The following ABCC2 variants were observed in gnomAD, a reference collection of about 807,000 sequenced individuals.
The protein encoded by ABCC2 is ATP-binding cassette sub-family C member 2.
In ABCC2, 157 loss-of-function variants were observed where a neutral mutation model predicts 173.4. The ratio of observed to expected loss-of-function variants is 0.91; its 90% CI spans 0.80 to 1.03. ABCC2 has a LOEUF of 1.03. ABCC2 is among the 50% of genes least tolerant of loss of function. The pLI, the probability that ABCC2 is intolerant of heterozygous loss-of-function variation, is 0.00. For synonymous variants in ABCC2, 657 were observed against 693.5 expected, an observed-to-expected ratio of 0.95 and a Z score of 0.83; for missense variants, 1,822 against 1,852.3, an observed-to-expected ratio of 0.98 and a Z score of 0.30.
At chr10:99,830,563 G>T in intron 20 of ABCC2, 130 bp downstream of exon 20, 1 of 1,567,052 alleles carries the variant, frequency 6.4e-7, no homozygotes, top group South Asian at 1.1e-5. Flanking sequence ...TTGTTTCTTT[G>T]TTGTGGGGAT....
At chr10:99,821,055 T>C (rs1279296691) in intron 19 of ABCC2, among the ~76,000 whole-genome samples, 3 of 151,998 alleles carry the variant, frequency 2.0e-5, no homozygotes, top group Admixed American at 2.0e-4. Flanking sequence ...GGGGAGAGGG[T>C]CACAAGACAA....
chr10:99,814,337 G>GTA (rs767067063), intron 16 of ABCC2, among the ~76,000 whole-genome samples: 1 of 133,872 alleles, frequency 7.5e-6, no homozygotes, highest in South Asian at 2.2e-4. Flanking sequence ...ATACACACAT[G>GTA]TATATATACA....
chr10:99,810,296 A>T, intron 14 of ABCC2, 78 bp downstream of exon 14: 1 of 1,088,896 alleles, frequency 9.2e-7, no homozygotes, highest in East Asian at 2.5e-5. Flanking sequence ...AGAGCTTAGT[A>T]GCAGCAAACT....
rs1482521823 is a variant in ABCC2 at position 99,817,446 on chromosome 10, A to C, written c.2233A>C (p.Met745Leu). The change falls in exon 17 of 32, where the codon ATG (methionine) becomes CTG (leucine). Residue 745 changes from methionine to leucine, a missense_variant. Physicochemically the swap from Met to Leu is conservative, Grantham distance 15 (BLOSUM62 2). Transcript: ENST00000647814. ...EACALLPDLEMLPGGDLAEIG... is the reference protein window; with the variant it reads ...EACALLPDLELLPGGDLAEIG... ...CTGTGCTCTCCTCCCAGACTTGGAA[A>C]TGCTGCCTGGAGGAGATTTGGCTGA... 1.9e-6 allele frequency: 3 copies of C among 1,614,186 alleles called. No homozygotes were observed. Among genetic ancestry groups the C allele is most frequent in the Non-Finnish European group, 2.5e-6 (3 of 1,180,030 alleles).
intron 6 of ABCC2, among the ~76,000 whole-genome samples, chr10:99,795,469 C>T (rs570996394): frequency 4.1e-4 from 62 of 151,940 alleles, no homozygotes; most frequent in African/African-American, 1.5e-3. Flanking sequence ...GAGGCTGAGG[C>T]GGGTGGATCA....
At chr10:99,829,826 A>G (rs950641713) in intron 19 of ABCC2, among the ~76,000 whole-genome samples, 1 of 152,148 alleles carries the variant, frequency 6.6e-6, no homozygotes, top group Non-Finnish European at 1.5e-5. Flanking sequence ...GAGTTTGCCT[A>G]TGTTGCCCAA....
At chr10:99,809,474 G>A (rs2038171765) in intron 13 of ABCC2, among the ~76,000 whole-genome samples, 1 of 152,238 alleles carries the variant, frequency 6.6e-6, no homozygotes, top group Admixed American at 6.5e-5. Flanking sequence ...GCCTGCTTCT[G>A]TACCCTAAGG....
chr10:99,799,327 C>G lies in ABCC2; in HGVS notation c.988C>G (p.Leu330Val). The G allele has an allele frequency of 6.2e-7, 1 of 1,614,158 alleles. No homozygotes were observed. The highest frequency in any genetic ancestry group is 8.5e-7 in the Non-Finnish European group (1 of 1,180,022). ...MVLLKSFLLK[L>V]VNDIFTFVSP... ...GCTCCTGAAATCATTCCTACTGAAGCTAGTGAATGACATCTTCACGTTTGT... is the reference window on the plus strand; with the variant it reads ...GCTCCTGAAATCATTCCTACTGAAGGTAGTGAATGACATCTTCACGTTTGT... Residue 330 changes from leucine (L) to valine (V), a missense_variant, in exon 8 of 32, where the codon CTA becomes GTA. Transcript: ENST00000647814.
chr10:99,813,267 T>A lies in ABCC2; in HGVS notation c.2094+123T>A, dbSNP rs1590162727. 7.7e-6 allele frequency: 10 copies of A among 1,297,606 alleles called. No individual in the cohort carries two copies. In the East Asian group the frequency reaches 2.6e-4, roughly 33 times the overall value. The allele number at this position is 1,297,606 out of a possible 1,614,324, so 80.4% of individuals were successfully genotyped here. A position where few individuals can be genotyped will look rare whatever the true frequency, so the allele number is the denominator to read the frequency against. ...GAGGTCTTGGAGACATCCGATAGAT[T>A]TGTGGACTGTGATTCTCCTTCCCAT... is the stretch of plus-strand genomic sequence containing the variant. On this transcript the variant is annotated intron_variant, in intron 16 of 31. Coordinates refer to ENST00000647814, the MANE Select transcript of ABCC2 (RefSeq NM_000392.5).
intron 27 of ABCC2, among the ~76,000 whole-genome samples, 170 bp downstream of exon 27, chr10:99,844,070 G>A (rs578159048): frequency 1.3e-5 from 2 of 152,312 alleles, no homozygotes; most frequent in African/African-American, 4.8e-5. Flanking sequence ...AATAGGAAAT[G>A]GTTTAGGGGA....
intron 7 of ABCC2, among the ~76,000 whole-genome samples, chr10:99,798,344 G>T (rs1313656602): frequency 6.6e-6 from 1 of 152,172 alleles, no homozygotes; most frequent in African/African-American, 2.4e-5. Context: ...GGCAAGATGA[G>T]ACTCAGGAGG....
At chr10:99,831,541 G>T in intron 21 of ABCC2, 70 bp from the exon 22 acceptor site, 1 of 1,468,924 alleles carries the variant, frequency 6.8e-7, no homozygotes, top group Non-Finnish European at 9.5e-7. Context: ...CCTTGTGGTT[G>T]GCATTCTAGG....
At chr10:99,831,421 T>A (rs1194231751) in intron 21 of ABCC2, among the ~76,000 whole-genome samples, 190 bp from the exon 22 acceptor site, 1 of 152,332 alleles carries the variant, frequency 6.6e-6, no homozygotes, top group Middle Eastern at 3.4e-3. Context: ...TTACCCTGCA[T>A]TGTATTTCAG....
intron 1 of ABCC2, among the ~76,000 whole-genome samples, chr10:99,784,088 T>C (rs898949597): frequency 6.7e-6 from 1 of 148,218 alleles, no homozygotes; most frequent in Admixed American, 7.0e-5. Context: ...TGTCCAACAA[T>C]GCTGTTGTCA....
At chr10:99,791,317 A>C (rs779502646) in intron 2 of ABCC2, among the ~76,000 whole-genome samples, 1 of 152,204 alleles carries the variant, frequency 6.6e-6, no homozygotes, top group Non-Finnish European at 1.5e-5. Context: ...CTGAGGCAGG[A>C]GAATCACTTG....
intron 6 of ABCC2, among the ~76,000 whole-genome samples, chr10:99,795,762 A>AGAAG: frequency 1.4e-5 from 2 of 145,248 alleles, no homozygotes; most frequent in Non-Finnish European, 3.0e-5. Flanking sequence ...AAAGAAAGAA[A>AGAAG]GAAAGAAAGA....
chr10:99,788,519 C>T (rs571370438), intron 2 of ABCC2: 40 of 152,378 alleles, frequency 2.6e-4, no homozygotes, highest in Middle Eastern at 3.4e-3. Context: ...AGGAAGAATT[C>T]CGCCACTACC....
chr10:99,836,394 C>G (rs1433352102), intron 25 of ABCC2, 104 bp downstream of exon 25: 2 of 1,144,932 alleles, frequency 1.7e-6, no homozygotes, highest in South Asian at 2.5e-5. Flanking sequence ...GAAATTCACT[C>G]TGGCCACACA....
intron 19 of ABCC2, among the ~76,000 whole-genome samples, chr10:99,820,926 G>A (rs1006997321): frequency 3.3e-5 from 5 of 152,248 alleles, no homozygotes; most frequent in East Asian, 3.9e-4. Context: ...AAGGGGACCC[G>A]GGGAACCAGC....
Sources: allele counts gnomAD v4.1 joint callset (sites outside exome capture counted in the v4.1 genomes callset), GRCh38; gene constraint gnomAD v4.1.1; transcripts MANE v1.5; gene names NCBI Gene and HGNC (gene_info 2026-07-23, HGNC 2026-07-21).